SPAST: variants seen among roughly 807,000 people sequenced by gnomAD.
The protein encoded by SPAST is spastin.
A neutral mutation model predicts 76.6 loss-of-function variants in SPAST; 30 were observed. The ratio of observed to expected loss-of-function variants is 0.39; its 90% CI spans 0.29 to 0.53. The LOEUF (loss-of-function observed/expected upper bound fraction) is 0.53. Among genes scored for constraint, SPAST ranks in the 20% least tolerant of loss-of-function variants. The probability of loss-of-function intolerance (pLI) is 0.68; values close to 1 mark genes in which losing one functional copy is unlikely to be tolerated. For synonymous variants in SPAST, 305 were observed against 281.0 expected (o/e 1.09, Z -0.86); for missense variants, 717 against 770.5 (o/e 0.93, Z 0.82).
chr2:32,072,542 A>C (rs1204417069), intron 1 of SPAST, among the ~76,000 whole-genome samples: 1 of 152,138 alleles, frequency 6.6e-6, no homozygotes, highest in Non-Finnish European at 1.5e-5. Flanking sequence ...TATGGCCTGA[A>C]CTAGTTTTTT....
chr2:32,118,216 G>A (rs1255399805), intron 7 of SPAST, among the ~76,000 whole-genome samples: 1 of 152,166 alleles, frequency 6.6e-6, no homozygotes, highest in Non-Finnish European at 1.5e-5. Flanking sequence ...TTTTATGGCT[G>A]TCTCAATTTT....
Position 32,087,559 on chromosome 2 carries a change from T to A in SPAST, c.483T>A (p.Ala161=). Residue 161 remains alanine, a synonymous_variant, in exon 2 of 17, where the codon GCT becomes GCA. Coordinates refer to ENST00000315285, the MANE Select transcript of SPAST (RefSeq NM_014946.4). ...KGIEELEKGI[A]VIVTGQGEQC... is the part of the protein sequence containing the mutation. The stretch of plus-strand genomic sequence containing the variant: ...TTGAAGAACTGGAAAAAGGAATAGC[T>A]GTTATAGTTACAGGACAAGGTAAGA... The A allele has an allele frequency of 6.3e-7, 1 of 1,598,736 alleles. No homozygotes were observed. Among genetic ancestry groups the A allele is most frequent in the East Asian group, 2.2e-5 (1 of 44,626 alleles).
At chr2:32,124,512 C>G (rs991338721) in intron 7 of SPAST, among the ~76,000 whole-genome samples, 2 of 152,064 alleles carry the variant, frequency 1.3e-5, no homozygotes, top group Admixed American at 1.3e-4. Context: ...AAAACTCTTA[C>G]CATATGGTCC....
intron 2 of SPAST, among the ~76,000 whole-genome samples, chr2:32,089,077 T>C (rs1253649647): frequency 1.3e-5 from 2 of 152,110 alleles, no homozygotes; most frequent in Non-Finnish European, 2.9e-5. Flanking sequence ...ATATGTATTC[T>C]TTGAGACAGG....
chr2:32,135,230 C>T (rs569237426), intron 9 of SPAST, among the ~76,000 whole-genome samples: 57 of 149,832 alleles, frequency 3.8e-4, no homozygotes, highest in Middle Eastern at 3.6e-3. Flanking sequence ...CCTGGGTTCA[C>T]GCCATTCTCC....
intron 16 of SPAST, 49 bp from the exon 17 acceptor site, chr2:32,154,325 C>T: frequency 3.9e-6 from 6 of 1,549,466 alleles, no homozygotes; most frequent in Non-Finnish European, 5.3e-6. Flanking sequence ...CGTTAACCAC[C>T]ATATACCTGT....
At chr2:32,121,256 G>A (rs1227210372) in intron 7 of SPAST, among the ~76,000 whole-genome samples, 2 of 151,986 alleles carry the variant, frequency 1.3e-5, no homozygotes, top group African/African-American at 2.4e-5. Flanking sequence ...GGGTTCAAGC[G>A]ATTCTCCTGC....
rs561382836 is a variant in SPAST, at chr2:32,123,950, A to G, written c.1099-2998A>G. Among the ~76,000 whole-genome samples, 8 of 152,268 alleles carry G rather than the reference A, an allele frequency of 5.3e-5. No individual in the cohort carries two copies. In the East Asian group the frequency reaches 1.5e-3, roughly 29 times the overall value. On this transcript the variant is annotated intron_variant, in intron 7 of 16. Coordinates refer to ENST00000315285, the MANE Select transcript of SPAST (RefSeq NM_014946.4). ...GAGAAAATCTAGGATAACATGAGAA[A>G]AATTTTTGGTTTGGCAGTGACTTCT...
chr2:32,075,547 C>CTT lies in SPAST; in HGVS notation c.415+11320_415+11321dup, dbSNP rs773998404. 4.4e-3 allele frequency among the ~76,000 whole-genome samples: 373 copies of CTT among 85,520 alleles called. 27 individuals are homozygous for CTT. The highest frequency in any genetic ancestry group is 8.6e-3 in the African/African-American group (184 of 21,412). The allele number at this position is 85,520 out of a possible 152,430, so 56.1% of individuals were successfully genotyped here. ...CCTCATTTAGTGTCATGGCTTTTTT[C>CTT]TTTTTTTTTTTTTTTTTTTTGAGAC... On this transcript the variant is annotated intron_variant, in intron 1 of 16. Coordinates refer to ENST00000315285, the MANE Select transcript of SPAST (RefSeq NM_014946.4).
intron 7 of SPAST, among the ~76,000 whole-genome samples, chr2:32,121,432 C>A (rs1298491087): frequency 6.6e-6 from 1 of 151,604 alleles, no homozygotes; most frequent in East Asian, 2.0e-4. Flanking sequence ...TGAGCCACTG[C>A]GCCCAGCCCC....
intron 2 of SPAST, among the ~76,000 whole-genome samples, chr2:32,088,834 C>T (rs961996217): frequency 6.6e-6 from 1 of 152,116 alleles, no homozygotes; most frequent in African/African-American, 2.4e-5. Context: ...ATATTAATAT[C>T]TGTGACCAAA....
chr2:32,139,871 A>G (rs1314544079), intron 12 of SPAST, among the ~76,000 whole-genome samples: 1 of 151,366 alleles, frequency 6.6e-6, no homozygotes, highest in Non-Finnish European at 1.5e-5. Flanking sequence ...AAGACAATGG[A>G]GTACCTAGGA....
intron 7 of SPAST, among the ~76,000 whole-genome samples, chr2:32,123,116 G>A (rs1446918539): frequency 6.6e-6 from 1 of 152,060 alleles, no homozygotes; most frequent in Non-Finnish European, 1.5e-5. Context: ...ACAAAAATTA[G>A]CTGGGCATGG....
chr2:32,152,216 T>C (rs558654306), intron 16 of SPAST, among the ~76,000 whole-genome samples: 1 of 152,318 alleles, frequency 6.6e-6, no homozygotes, highest in Non-Finnish European at 1.5e-5. Context: ...ATAAGTTTCA[T>C]ATATATACAC....
At chr2:32,085,088 T>G (rs1403599171) in intron 1 of SPAST, among the ~76,000 whole-genome samples, 1 of 151,452 alleles carries the variant, frequency 6.6e-6, no homozygotes, top group Non-Finnish European at 1.5e-5. Flanking sequence ...TTTTTCAAAC[T>G]AAAAAACAAA....
intron 1 of SPAST, among the ~76,000 whole-genome samples, chr2:32,065,196 T>C (rs944317605): frequency 1.3e-5 from 2 of 152,000 alleles, no homozygotes; most frequent in African/African-American, 4.8e-5. Context: ...ATTTTTGTAT[T>C]TTTAGTAGAG....
At chr2:32,064,273 GGCGGCGCCGGGAAGAAGGCGGT>G in intron 1 of SPAST, 27 bp downstream of exon 1, 2 of 1,501,422 alleles carry the variant, frequency 1.3e-6, no homozygotes, top group Non-Finnish European at 1.8e-6. Flanking sequence ...GGGAGGGGGC[GGCGGCGCCGGGAAGAAGGCGGT>G]GGGGTCGCCG....
At position 32,064,298 on chromosome 2, in the gene SPAST, G is replaced by A. The variant is rs1335399648; in HGVS notation, c.415+52G>A. 4.7e-6 allele frequency: 6 copies of A among 1,282,770 alleles called. No homozygotes were observed. In the East Asian group the frequency reaches 1.0e-4, roughly 22 times the overall value. 79.5% of individuals were successfully genotyped at this position (1,282,770 alleles called of 1,614,324 possible). A position where few individuals can be genotyped will look rare whatever the true frequency, so the allele number is the denominator to read the frequency against. On this transcript the variant is annotated intron_variant, in intron 1 of 16. Transcript: ENST00000315285. The stretch of plus-strand genomic sequence containing the variant: ...GGCGGCGCCGGGAAGAAGGCGGTGG[G>A]GTCGCCGGGGGAGGGCAACACCTGC...
chr2:32,068,169 G>A (rs1257635465), intron 1 of SPAST, among the ~76,000 whole-genome samples: 1 of 151,588 alleles, frequency 6.6e-6, no homozygotes, highest in Non-Finnish European at 1.5e-5. Context: ...TAGTAGAGAC[G>A]GGGTTTCACT....
Sources: gnomAD v4.1 joint callset for allele counts (sites outside exome capture counted in the v4.1 genomes callset) on GRCh38, gnomAD v4.1.1 for gene constraint, MANE v1.5 for transcripts, NCBI Gene and HGNC (gene_info 2026-07-23, HGNC 2026-07-21) for gene names.